ST3GAL1: variants seen among roughly 807,000 people sequenced by gnomAD.
ST3GAL1 encodes the protein ST3 beta-galactoside alpha-2,3-sialyltransferase 1.
Under a neutral mutation model 34.1 loss-of-function variants are expected in ST3GAL1, and 16 were observed. That is an observed-to-expected ratio of 0.47 (90% CI 0.32 to 0.71). The LOEUF (loss-of-function observed/expected upper bound fraction) is 0.71, where lower values mean the gene tolerates loss of function less well. Among genes scored for constraint, ST3GAL1 ranks in the 30% least tolerant of loss-of-function variants. ST3GAL1 has a pLI of 0.04. For missense variants in ST3GAL1, 353 were observed against 447.4 expected (o/e 0.79, Z 1.90); for synonymous variants, 191 against 184.7 (o/e 1.03, Z -0.28).
chr8:133,553,809 A>G (rs1003564803), intron 1 of ST3GAL1, among the ~76,000 whole-genome samples: 1 of 152,188 alleles, frequency 6.6e-6, no homozygotes, highest in Admixed American at 6.5e-5. Context: ...CTATCTTAGG[A>G]CTAAATTAGA....
In ST3GAL1 at chr8:133,540,822, T is replaced by G. The variant is rs1814916; in HGVS notation, c.-429+4952A>C. Reference sequence around the variant, plus strand: ...ATATATATAGAGAGACATATATATATAGACATATATATAGAGAGACATATA... The same window carrying G: ...ATATATATAGAGAGACATATATATAGAGACATATATATAGAGAGACATATA... On this transcript the variant is annotated intron_variant, in intron 2 of 9. Transcript: ENST00000522652. Among the ~76,000 whole-genome samples the G allele has an allele frequency of 3.7e-3, 286 of 76,770 alleles. 11 individuals carry two copies. The highest frequency in any genetic ancestry group is 6.6e-3 in the African/African-American group (145 of 21,868). The allele number at this position is 76,770 out of a possible 152,430, so 50.4% of individuals were successfully genotyped here.
chr8:133,492,575 A>G (rs768138811), intron 3 of ST3GAL1, among the ~76,000 whole-genome samples: 2 of 152,152 alleles, frequency 1.3e-5, no homozygotes, highest in Non-Finnish European at 2.9e-5. Flanking sequence ...TACAAAAATT[A>G]TCTGGGCGTA....
In ST3GAL1 at chr8:133,562,794, T is replaced by TTTCCTTCCTTCC. The variant is rs772597674; in HGVS notation, c.-582+8887_-582+8898dup. Reference sequence around the variant, plus strand: ...AGAAAAGGGTTTCTTTCTTTCTTTCTTTCCTTCCTTCCTTCCTTCCTTCCT... The same window carrying TTTCCTTCCTTCC: ...AGAAAAGGGTTTCTTTCTTTCTTTCTTTCCTTCCTTCCTTCCTTCCTTCCTTCCTTCCTTCCT... On this transcript the variant is annotated intron_variant, in intron 1 of 9. Transcript: ENST00000522652. 4.5e-3 allele frequency among the ~76,000 whole-genome samples: 489 copies of TTTCCTTCCTTCC among 108,564 alleles called. 7 individuals are homozygous for TTTCCTTCCTTCC. Among genetic ancestry groups the TTTCCTTCCTTCC allele is most frequent in the African/African-American group, 0.015 (413 of 27,418 alleles). 71.2% of individuals were successfully genotyped at this position (108,564 alleles called of 152,430 possible).
intron 2 of ST3GAL1, among the ~76,000 whole-genome samples, chr8:133,530,501 G>A (rs1165510263): frequency 6.6e-6 from 1 of 152,038 alleles, no homozygotes; most frequent in Non-Finnish European, 1.5e-5. Flanking sequence ...CAGGCTGGTT[G>A]TGAACTCCTG....
At chr8:133,463,703 C>A (rs1298763417) in intron 7 of ST3GAL1, among the ~76,000 whole-genome samples, 1 of 152,186 alleles carries the variant, frequency 6.6e-6, no homozygotes, top group Non-Finnish European at 1.5e-5. Context: ...TGGCCCCATT[C>A]CCCAAAAAGG....
At position 133,461,850 on chromosome 8, in the gene ST3GAL1, T is replaced by G. The variant is rs770972243; in HGVS notation, c.849+25A>C. 6.2e-7 allele frequency: 1 copy of G among 1,613,546 alleles called. No individual in the cohort carries two copies. Among genetic ancestry groups the G allele is most frequent in the Admixed American group, 1.7e-5 (1 of 60,008 alleles). ...AGGACGGTGAGCTTCGAGGCAGCCC[T>G]GTGGGCAGGGGGAGGGTGGCATACC... On this transcript the variant is annotated intron_variant, in intron 9 of 9. Transcript: ENST00000522652. This position sits in a 1 kb window ranked among gnomAD's most constrained non-coding sequence, Gnocchi z 4.7.
intron 3 of ST3GAL1, among the ~76,000 whole-genome samples, chr8:133,497,877 T>C (rs7829404): frequency 0.59 from 89,277 of 151,914 alleles, 26,423 homozygotes; most frequent in South Asian, 0.69. Context: ...GTGATGGTAG[T>C]GGGGTATGGG....
chr8:133,526,278 G>T (rs1200114370), intron 2 of ST3GAL1, among the ~76,000 whole-genome samples: 1 of 152,138 alleles, frequency 6.6e-6, no homozygotes, highest in Non-Finnish European at 1.5e-5. Flanking sequence ...CCCACCCTCT[G>T]CTATTATTCT....
At chr8:133,496,725 C>G (rs1408350669) in intron 3 of ST3GAL1, among the ~76,000 whole-genome samples, 1 of 152,220 alleles carries the variant, frequency 6.6e-6, no homozygotes, top group East Asian at 1.9e-4. Flanking sequence ...AGCAACTTTC[C>G]TGAGACGGGG....
intron 1 of ST3GAL1, among the ~76,000 whole-genome samples, chr8:133,566,831 T>C (rs895397053): frequency 2.0e-5 from 3 of 152,222 alleles, no homozygotes; most frequent in Non-Finnish European, 2.9e-5. Context: ...GAGGCTCTCA[T>C]GGTGTAGGAA....
Position 133,466,180 on chromosome 8 carries a change from T to C in ST3GAL1, c.307-90A>G, listed in dbSNP as rs1815728557. 2 of 1,370,014 alleles carry C rather than the reference T, an allele frequency of 1.5e-6. No homozygotes were observed. The highest frequency in any genetic ancestry group is 4.6e-5 in the Admixed American group (2 of 43,450). The allele number at this position is 1,370,014 out of a possible 1,614,324, so 84.9% of individuals were successfully genotyped here. On this transcript the variant is annotated intron_variant, in intron 5 of 9. Transcript: ENST00000522652. This position sits in a 1 kb window ranked among gnomAD's most constrained non-coding sequence, Gnocchi z 4.4. Reference sequence around the variant, plus strand: ...CCCTGAGCTACCTGCTGTCGTTTACTGGGGCCCTCCTGTTCACCCTTCTCT... The same window carrying C: ...CCCTGAGCTACCTGCTGTCGTTTACCGGGGCCCTCCTGTTCACCCTTCTCT...
chr8:133,507,966 G>T (rs1447973591), intron 2 of ST3GAL1, among the ~76,000 whole-genome samples: 1 of 151,380 alleles, frequency 6.6e-6, no homozygotes, highest in Non-Finnish European at 1.5e-5. Context: ...CCAGAGAACT[G>T]CCTCTGGCCA....
At chr8:133,554,946 C>A (rs960799153) in intron 1 of ST3GAL1, among the ~76,000 whole-genome samples, 5 of 151,980 alleles carry the variant, frequency 3.3e-5, no homozygotes, top group Non-Finnish European at 5.9e-5. Flanking sequence ...CCAGGATGGT[C>A]TCGAGCTCCT....
chr8:133,486,215 G>A (rs1052534007), intron 3 of ST3GAL1, among the ~76,000 whole-genome samples: 2 of 152,210 alleles, frequency 1.3e-5, no homozygotes, highest in African/African-American at 4.8e-5. Context: ...AGTGGATGGT[G>A]CCAGGCTGAG....
At chr8:133,567,683 T>C (rs1245016105) in intron 1 of ST3GAL1, among the ~76,000 whole-genome samples, 2 of 152,086 alleles carry the variant, frequency 1.3e-5, no homozygotes, top group African/African-American at 4.8e-5. Flanking sequence ...TGCTAGAAAA[T>C]GACTTTGCCA....
Position 133,459,810 on chromosome 8 carries a change from G to T in ST3GAL1, c.977C>A (p.Ala326Asp), listed in dbSNP as rs768161523. 1 of 1,613,596 alleles carries T rather than the reference G, an allele frequency of 6.2e-7. No homozygotes were observed. The highest frequency in any genetic ancestry group is 8.5e-7 in the Non-Finnish European group (1 of 1,179,838). ...GATTTTATTGATGGAGGCCAAGGTG[G>T]CCGTCACGTTAGACTCAAAGTCTGC... ...HDADFESNVT[A>D]TLASINKIRI... The change falls in exon 10 of 10, where the codon GCC becomes GAC. Residue 326 changes from alanine (A) to aspartate (D), a missense_variant. Physicochemically the swap from Ala to Asp is moderately radical, Grantham distance 126. Coordinates refer to ENST00000522652, the MANE Select transcript of ST3GAL1 (RefSeq NM_173344.3). This position sits in a 1 kb window ranked among gnomAD's most constrained non-coding sequence, Gnocchi z 4.7.
intron 5 of ST3GAL1, among the ~76,000 whole-genome samples, chr8:133,473,648 C>T (rs1258571642): frequency 6.6e-6 from 1 of 152,238 alleles, no homozygotes; most frequent in African/African-American, 2.4e-5. Flanking sequence ...CCCAACCCTG[C>T]TGGTTCTCAA....
At chr8:133,507,512 C>T (rs1309417755) in intron 2 of ST3GAL1, among the ~76,000 whole-genome samples, 1 of 152,166 alleles carries the variant, frequency 6.6e-6, no homozygotes, top group East Asian at 1.9e-4. Context: ...ACGGCTTCCA[C>T]CTTGCAGGCA....
intron 2 of ST3GAL1, among the ~76,000 whole-genome samples, chr8:133,535,078 C>G (rs79821615): frequency 0.072 from 10,957 of 152,124 alleles, 776 homozygotes; most frequent in East Asian, 0.34. Context: ...GAGTGGAAAG[C>G]GGGAGGAGGA....
Sources: allele counts gnomAD v4.1 joint callset (sites outside exome capture counted in the v4.1 genomes callset), GRCh38; gene constraint gnomAD v4.1.1; non-coding constraint Gnocchi (gnomAD v3.1); transcripts MANE v1.5; gene names NCBI Gene and HGNC (gene_info 2026-07-23, HGNC 2026-07-21).